The following SLC7A6 variants were observed in gnomAD, a reference collection of about 807,000 sequenced individuals.
The protein encoded by SLC7A6 is Y+L amino acid transporter 2.
SLC7A6 carries 29 observed loss-of-function variants against 46.6 expected under a neutral mutation model. That is an observed-to-expected ratio of 0.62 (90% CI 0.46 to 0.85). The LOEUF (loss-of-function observed/expected upper bound fraction) is 0.85. Among genes scored for constraint, SLC7A6 ranks in the 40% least tolerant of loss-of-function variants. The pLI, the probability that SLC7A6 is intolerant of heterozygous loss-of-function variation, is 0.00. For missense variants in SLC7A6, 527 were observed against 647.6 expected, an observed-to-expected ratio of 0.81 and a Z score of 2.02; for synonymous variants, 276 against 257.3, an observed-to-expected ratio of 1.07 and a Z score of -0.70.
At chr16:68,290,264 CCTT>C in intron 4 of SLC7A6, 129 bp from the exon 5 acceptor site, 2 of 931,834 alleles carry the variant, frequency 2.1e-6, no homozygotes, top group Non-Finnish European at 1.6e-6. Context: ...CCCCATTCCT[CCTT>C]TTTTTCATCT....
rs763158182 is a variant in SLC7A6 at position 68,270,937 on chromosome 16, C to T, written c.-36-3754C>T. Among the ~76,000 whole-genome samples the T allele has an allele frequency of 1.6e-4, 24 of 151,626 alleles. 1 individual carries two copies. Among genetic ancestry groups the T allele is most frequent in the Non-Finnish European group, 2.6e-4 (18 of 67,956 alleles). On this transcript the variant is annotated intron_variant, in intron 2 of 10. Transcript: ENST00000219343. ...GCAGTGGCATGATAATGGCTTACCG[C>T]AGCCCTGACCTCCTTGGCTCAAGAA...
intron 3 of SLC7A6, among the ~76,000 whole-genome samples, chr16:68,280,942 C>G (rs1026060033): frequency 6.6e-6 from 1 of 152,170 alleles, no homozygotes; most frequent in Non-Finnish European, 1.5e-5. Flanking sequence ...ACCATGTTAG[C>G]CAGGATGGTC....
Position 68,298,544 on chromosome 16 carries a change from C to G in SLC7A6, c.*1216C>G, listed in dbSNP as rs975432279. On this transcript the variant is annotated 3_prime_UTR_variant, in exon 11 of 11. Coordinates refer to ENST00000219343, the MANE Select transcript of SLC7A6 (RefSeq NM_003983.6). ...TGTGGGTCACCGGGACAGTGTACTC[C>G]TCTCCTGCCAGCCTCCCCTTCCCCG... is the stretch of plus-strand genomic sequence containing the variant. 6.6e-6 allele frequency: 1 copy of G among 152,312 alleles called. No individual in the cohort carries two copies. The highest frequency in any genetic ancestry group is 1.5e-5 in the Non-Finnish European group (1 of 68,094). The allele number at this position is 152,312 out of a possible 1,614,324, so 9.4% of individuals were successfully genotyped here. A position where few individuals can be genotyped will look rare whatever the true frequency, so the allele number is the denominator to read the frequency against.
chr16:68,288,758 A>G (rs951004758), intron 4 of SLC7A6, among the ~76,000 whole-genome samples: 9 of 151,856 alleles, frequency 5.9e-5, no homozygotes, highest in Admixed American at 2.6e-4. Flanking sequence ...CAGGTCAGGA[A>G]TTCGAGACCA....
rs1387407562 is a variant in SLC7A6 at position 68,296,465 on chromosome 16, A to C, written c.1221A>C (p.Gly407=). The C allele has an allele frequency of 6.2e-7, 1 of 1,614,020 alleles. No homozygotes were observed. Among genetic ancestry groups the C allele is most frequent in the Admixed American group, 1.7e-5 (1 of 60,012 alleles). The change falls in exon 9 of 11, where the codon GGA becomes GGC. Residue 407 remains glycine, a synonymous_variant. Transcript: ENST00000219343. ...TCTTCGTGGGCCTGTCTGTTGTTGG[A>C]CAGCTCTACCTCCGCTGGAAGGAGC... is the stretch of plus-strand genomic sequence containing the variant. ...YWFFVGLSVV[G]QLYLRWKEPK... is the part of the protein sequence containing the mutation.
At chr16:68,268,376 G>A (rs1042162106) in intron 2 of SLC7A6, among the ~76,000 whole-genome samples, 1 of 152,206 alleles carries the variant, frequency 6.6e-6, no homozygotes, top group African/African-American at 2.4e-5. Context: ...TCCCCCTCCG[G>A]CATTTGGTCA....
intron 3 of SLC7A6, among the ~76,000 whole-genome samples, chr16:68,284,859 CT>C (rs71384525): frequency 2.5e-4 from 24 of 95,602 alleles, no homozygotes; most frequent in Admixed American, 2.9e-4. Context: ...ATTTTCTCGT[CT>C]TTTTTTTTTT....
chr16:68,275,883 T>C (rs2042703454), intron 3 of SLC7A6, among the ~76,000 whole-genome samples: 1 of 152,114 alleles, frequency 6.6e-6, no homozygotes, highest in Non-Finnish European at 1.5e-5. Context: ...GAAGTCAACA[T>C]TGCTAGTTGT....
intron 7 of SLC7A6, chr16:68,291,937 G>T: frequency 2.7e-6 from 1 of 376,672 alleles, no homozygotes; most frequent in Non-Finnish European, 4.8e-6. Context: ...TTATGTGCTG[G>T]TAGCTCATAT....
chr16:68,293,065 A>G (rs1235623696), intron 7 of SLC7A6, among the ~76,000 whole-genome samples: 2 of 152,282 alleles, frequency 1.3e-5, no homozygotes, highest in South Asian at 2.1e-4. Flanking sequence ...ACACCAGTCC[A>G]TGTGTTGTGC....
chr16:68,291,007 A>G (rs149574495), intron 5 of SLC7A6: 2 of 607,244 alleles, frequency 3.3e-6, no homozygotes, highest in Non-Finnish European at 5.8e-6. Context: ...AAGATTAAAT[A>G]TTGATCATGA....
In SLC7A6 at chr16:68,297,523, C is replaced by G; in HGVS notation, c.*195C>G. 1.2e-5 allele frequency: 4 copies of G among 328,930 alleles called. No homozygotes were observed. Among genetic ancestry groups the G allele is most frequent in the South Asian group, 9.0e-5 (1 of 11,078 alleles). 20.4% of individuals were successfully genotyped at this position (328,930 alleles called of 1,614,324 possible). On this transcript the variant is annotated 3_prime_UTR_variant, in exon 11 of 11. Transcript: ENST00000219343. ...ATCTGGGCCAACCTCAAGGTGGGGG[C>G]TTCAGAGGGTGGGGGGAAGATTGGG...
chr16:68,265,223 C>T (rs981305694), intron 1 of SLC7A6, among the ~76,000 whole-genome samples: 23 of 152,334 alleles, frequency 1.5e-4, no homozygotes, highest in African/African-American at 4.8e-4. Context: ...CGCTGGGGAA[C>T]CCGCGTGCCC....
chr16:68,295,038 C>T (rs1567595804), intron 8 of SLC7A6: 1 of 394,634 alleles, frequency 2.5e-6, no homozygotes, highest in Non-Finnish European at 4.5e-6. Flanking sequence ...TTAATTTTTT[C>T]TCGAATGGCA....
chr16:68,296,931 T>A, intron 10 of SLC7A6, 121 bp downstream of exon 10: 1 of 1,000,326 alleles, frequency 1.0e-6, no homozygotes, highest in Non-Finnish European at 1.5e-6. Flanking sequence ...GACCCAGCTG[T>A]CCACGACTTC....
rs1166423101 is a variant in SLC7A6, at chr16:68,301,128, G to A, written c.*3800G>A. 5.7e-6 allele frequency: 8 copies of A among 1,415,606 alleles called. No homozygotes were observed. The highest frequency in any genetic ancestry group is 2.5e-5 in the Admixed American group (1 of 39,530). The allele number at this position is 1,415,606 out of a possible 1,614,324, so 87.7% of individuals were successfully genotyped here. A position where few individuals can be genotyped will look rare whatever the true frequency, so the allele number is the denominator to read the frequency against. ...TCCCCTAACATAAGTTTTCACTGTG[G>A]TGGGATGGTGCCGCCCGATATGCTT... On this transcript the variant is annotated 3_prime_UTR_variant, in exon 11 of 11. Transcript: ENST00000219343.
chr16:68,266,398 G>T (rs1442420573), intron 1 of SLC7A6, among the ~76,000 whole-genome samples, 195 bp from the exon 2 acceptor site: 1 of 152,206 alleles, frequency 6.6e-6, no homozygotes, highest in Admixed American at 6.5e-5. Flanking sequence ...TACCCACCCT[G>T]TGGGTGTCAT....
intron 4 of SLC7A6, 65 bp from the exon 5 acceptor site, chr16:68,290,328 TCTC>T: frequency 6.5e-7 from 1 of 1,543,664 alleles, no homozygotes; most frequent in East Asian, 2.3e-5. Context: ...ACACCTCCCA[TCTC>T]CTCTTCCTTT....
chr16:68,279,163 C>A (rs913076527), intron 3 of SLC7A6, among the ~76,000 whole-genome samples: 2 of 109,790 alleles, frequency 1.8e-5, no homozygotes, highest in Non-Finnish European at 3.6e-5. Context: ...AAGCAAGACC[C>A]CACCTCTAAA....
Sources: gnomAD v4.1 joint callset for allele counts (sites outside exome capture counted in the v4.1 genomes callset) on GRCh38, gnomAD v4.1.1 for gene constraint, MANE v1.5 for transcripts, NCBI Gene and HGNC (gene_info 2026-07-23, HGNC 2026-07-21) for gene names.